Variants in ZNF226 observed in about 807,000 individuals in gnomAD.
The protein encoded by ZNF226 is Kruppel-associated box protein.
ZNF226 carries 6 observed loss-of-function variants against 11.4 expected under a neutral mutation model. The observed-to-expected ratio is 0.53, with a 90% CI of 0.29 to 1.04. The LOEUF (loss-of-function observed/expected upper bound fraction) is 1.04. ZNF226 is among the 50% of genes least tolerant of loss of function. The pLI, the probability that ZNF226 is intolerant of heterozygous loss-of-function variation, is 0.08. For synonymous variants in ZNF226, 350 were observed against 322.8 expected (o/e 1.08, Z -0.90); for missense variants, 1,058 against 956.5 (o/e 1.11, Z -1.40).
chr19:44,176,330 C>A lies in ZNF226; in HGVS notation c.1068C>A (p.Val356=), dbSNP rs1350173077. Residue 356 remains valine (V), a synonymous_variant, in exon 6 of 6, where the codon GTC becomes GTA. Coordinates refer to ENST00000337433, the MANE Select transcript of ZNF226 (RefSeq NM_001032373.2). Reference sequence around the variant, plus strand: ...CAGCACTTAATGTTCATTGCAAGGTCCACACGGCAGAGAAACCTTATAATT... The same window carrying A: ...CAGCACTTAATGTTCATTGCAAGGTACACACGGCAGAGAAACCTTATAATT... ...RRSALNVHCK[V]HTAEKPYNCE... 1.9e-6 allele frequency: 3 copies of A among 1,614,044 alleles called. No individual in the cohort carries two copies. The highest frequency in any genetic ancestry group is 2.7e-5 in the African/African-American group (2 of 74,904).
At chr19:44,177,785 T>C (rs564375474), downstream of ZNF226, 1 of 1,232,790 alleles carries the variant, frequency 8.1e-7, no homozygotes, top group East Asian at 2.5e-5. Context: ...CAAAACAATC[T>C]TTATGATTAG....
chr19:44,177,564 T>G lies in ZNF226; in HGVS notation c.2302T>G (p.Ser768Ala), dbSNP rs199815905. The change falls in exon 6 of 6, where the codon TCA (serine) becomes GCA (alanine). Residue 768 changes from serine (S) to alanine (A), a missense_variant. By Grantham distance (99) the Ser-to-Ala change is moderately conservative. Coordinates refer to ENST00000337433, the MANE Select transcript of ZNF226 (RefSeq NM_001032373.2). Reference protein sequence around the residue: ...EICGKSFSWRSNLTVHHRIHV... With the variant: ...EICGKSFSWRANLTVHHRIHV... ...ATGTGGTAAGAGCTTCAGTTGGCGA[T>G]CAAATCTTACAGTTCATCACAGAAT... The G allele has an allele frequency of 8.1e-4, 1,302 of 1,614,024 alleles. 6 individuals carry two copies. In the Middle Eastern group the frequency reaches 0.018, roughly 22 times the overall value.
intron 3 of ZNF226, 136 bp from the exon 4 acceptor site, chr19:44,171,952 C>T (rs1970145031): frequency 1.7e-6 from 2 of 1,159,808 alleles, no homozygotes; most frequent in South Asian, 2.5e-5. Flanking sequence ...CAGTGTATGG[C>T]ATTGGCAAGA....
downstream of ZNF226, among the ~76,000 whole-genome samples, chr19:44,179,179 TAAAA>T (rs923743416): frequency 2.0e-5 from 3 of 151,500 alleles, no homozygotes; most frequent in South Asian, 6.3e-4. Context: ...GACTCAGTCT[TAAAA>T]AAAAATCACA....
At chr19:44,183,683 T>C in the ZNF226 span, among the ~76,000 whole-genome samples, 1 of 152,228 alleles carries the variant, frequency 6.6e-6, no homozygotes, top group African/African-American at 2.4e-5. Context: ...GAGATACTTA[T>C]ATCCTAGAGA....
At chr19:44,174,797 A>G in intron 5 of ZNF226, 1 of 425,762 alleles carries the variant, frequency 2.3e-6, no homozygotes, top group Middle Eastern at 3.7e-4. Context: ...TAGCCTTCCA[A>G]TTTTGACTCA....
chr19:44,174,642 TCC>T (rs1555783745), intron 5 of ZNF226: 49 of 178,666 alleles, frequency 2.7e-4, no homozygotes, highest in Middle Eastern at 4.7e-3. Context: ...TGTTTTTTTT[TCC>T]TAAATATCAC....
downstream of ZNF226, among the ~76,000 whole-genome samples, chr19:44,178,894 C>T (rs1970861943): frequency 6.6e-6 from 1 of 152,060 alleles, no homozygotes; most frequent in Non-Finnish European, 1.5e-5. Flanking sequence ...TTAAGAACAT[C>T]ACAGGCTGGG....
the ZNF226 span, among the ~76,000 whole-genome samples, chr19:44,186,430 T>G: frequency 6.6e-6 from 1 of 152,082 alleles, no homozygotes; most frequent in Non-Finnish European, 1.5e-5. Context: ...TTTCAGTTAT[T>G]TGATTAAGTT....
downstream of ZNF226, among the ~76,000 whole-genome samples, chr19:44,180,109 A>T (rs1003969677): frequency 6.6e-6 from 1 of 150,428 alleles, no homozygotes; most frequent in Admixed American, 6.6e-5. Flanking sequence ...AAAAAAAAAA[A>T]AACCCAAGAA....
the ZNF226 span, among the ~76,000 whole-genome samples, chr19:44,192,200 A>G: frequency 1.7e-4 from 26 of 152,344 alleles, no homozygotes; most frequent in African/African-American, 6.0e-4. Flanking sequence ...GGAAGAAAAT[A>G]TTATTCCCCT....
At chr19:44,169,804 C>T (rs576485649) in intron 2 of ZNF226, among the ~76,000 whole-genome samples, 8 of 152,252 alleles carry the variant, frequency 5.3e-5, no homozygotes, top group South Asian at 2.1e-4. Flanking sequence ...GAATTACTGG[C>T]GTGCAATTAC....
rs1970727738 is a variant in ZNF226 at position 44,176,819 on chromosome 19, A to G, written c.1557A>G (p.Gln519=). Residue 519 remains glutamine (Q), a synonymous_variant, in exon 6 of 6, where the codon CAA becomes CAG. Transcript: ENST00000337433. ...GCTTCAGGAGGAATTCCCATTATCA[A>G]GTTCATCTAGTGGTCCACACAGGAG... is the stretch of plus-strand genomic sequence containing the variant. ...GKSFRRNSHY[Q]VHLVVHTGEK... 3.1e-6 allele frequency: 5 copies of G among 1,613,300 alleles called. No individual in the cohort carries two copies. The highest frequency in any genetic ancestry group is 4.2e-6 in the Non-Finnish European group (5 of 1,179,786).
the ZNF226 span, among the ~76,000 whole-genome samples, chr19:44,187,749 GGTAA>G: frequency 3.3e-5 from 5 of 151,906 alleles, no homozygotes; most frequent in Non-Finnish European, 7.4e-5. This position sits in a 1 kb window ranked among gnomAD's most constrained non-coding sequence, Gnocchi z 4.0. Context: ...TGTTTTTAAA[GGTAA>G]GTGTTTACCA....
At position 44,172,128 on chromosome 19, in the gene ZNF226, A is replaced by T; in HGVS notation, c.56A>T (p.Glu19Val). Residue 19 changes from glutamate (E) to valine (V), a missense_variant, in exon 4 of 6, where the codon GAG becomes GTG. By Grantham distance (121) the Glu-to-Val change is moderately radical. Coordinates refer to ENST00000337433, the MANE Select transcript of ZNF226 (RefSeq NM_001032373.2). ...TFKDVAVAFT[E>V]EELGLLGPAQ... Reference sequence around the variant, plus strand: ...AAGGACGTGGCTGTGGCCTTCACGGAGGAGGAATTGGGGCTGCTGGGCCCT... The same window carrying T: ...AAGGACGTGGCTGTGGCCTTCACGGTGGAGGAATTGGGGCTGCTGGGCCCT... The T allele has an allele frequency of 6.2e-7, 1 of 1,613,246 alleles. No homozygotes were observed. The highest frequency in any genetic ancestry group is 1.1e-5 in the South Asian group (1 of 91,072).
chr19:44,170,124 T>TAAGG (rs777405819), intron 3 of ZNF226, 29 bp downstream of exon 3: 18 of 1,609,480 alleles, frequency 1.1e-5, no homozygotes, highest in Non-Finnish European at 1.4e-5. Flanking sequence ...TCCCAGCTGT[T>TAAGG]AAAAATACCA....
intron 4 of ZNF226, 56 bp downstream of exon 4, chr19:44,172,270 T>G (rs1490989230): frequency 2.1e-5 from 33 of 1,562,502 alleles, no homozygotes; most frequent in Non-Finnish European, 4.3e-6. Flanking sequence ...TAAGGCTTTG[T>G]GGCCCTTGAA....
chr19:44,171,990 C>T (rs186447120), intron 3 of ZNF226, 98 bp from the exon 4 acceptor site: 30 of 1,503,530 alleles, frequency 2.0e-5, no homozygotes, highest in Middle Eastern at 1.8e-4. Flanking sequence ...AATCTACAAA[C>T]GGCTGGGCAT....
At chr19:44,198,921 C>T in the ZNF226 span, among the ~76,000 whole-genome samples, 5 of 152,272 alleles carry the variant, frequency 3.3e-5, no homozygotes, top group Admixed American at 1.3e-4. Flanking sequence ...TCTCCTGCCT[C>T]AGTCTCCCAA....
Sources: allele counts gnomAD v4.1 joint callset (sites outside exome capture counted in the v4.1 genomes callset), GRCh38; gene constraint gnomAD v4.1.1; non-coding constraint Gnocchi (gnomAD v3.1); transcripts MANE v1.5; gene names NCBI Gene and HGNC (gene_info 2026-07-23, HGNC 2026-07-21).